Variants in EXOC6 observed in about 807,000 individuals in gnomAD.
The protein encoded by EXOC6 is exocyst complex component 6.
In EXOC6, 60 loss-of-function variants were observed where a neutral mutation model predicts 112.5. That is an observed-to-expected ratio of 0.53 (90% CI 0.43 to 0.66). EXOC6 has a LOEUF of 0.66. EXOC6 is among the 30% of genes least tolerant of loss of function. EXOC6 has a pLI of 0.00. For missense variants in EXOC6, 855 were observed against 957.1 expected, an observed-to-expected ratio of 0.89 and a Z score of 1.41; for synonymous variants, 295 against 308.0, an observed-to-expected ratio of 0.96 and a Z score of 0.44.
At position 93,005,364 on chromosome 10, in the gene EXOC6, G is replaced by A. The variant is rs142890773; in HGVS notation, c.2095+7749G>A. Reference sequence around the variant, plus strand: ...TGATCTTAGTATAAATTTTATACAAGTTCAAGATAAATGTCTTCTTATTTG... The same window carrying A: ...TGATCTTAGTATAAATTTTATACAAATTCAAGATAAATGTCTTCTTATTTG... On this transcript the variant is annotated intron_variant, in intron 19 of 21. Coordinates refer to ENST00000260762, the MANE Select transcript of EXOC6 (RefSeq NM_019053.6). Among the ~76,000 whole-genome samples, 454 of 152,246 alleles carry A rather than the reference G, an allele frequency of 3.0e-3. 2 individuals are homozygous for A. Among genetic ancestry groups the A allele is most frequent in the African/African-American group, 0.01 (419 of 41,548 alleles).
At chr10:93,017,578 G>A (rs1844589975) in intron 20 of EXOC6, among the ~76,000 whole-genome samples, 1 of 152,074 alleles carries the variant, frequency 6.6e-6, no homozygotes, top group African/African-American at 2.4e-5. Context: ...GACAGAGCAA[G>A]ACTCTGTCTC....
chr10:92,942,239 A>T (rs1421555987), intron 13 of EXOC6, among the ~76,000 whole-genome samples: 2 of 152,118 alleles, frequency 1.3e-5, no homozygotes, highest in Admixed American at 6.5e-5. Context: ...AATAAAAAAT[A>T]AAAAAATTAG....
chr10:92,953,016 A>G (rs556827149), intron 15 of EXOC6, among the ~76,000 whole-genome samples: 26 of 152,100 alleles, frequency 1.7e-4, no homozygotes, highest in Non-Finnish European at 3.5e-4. Context: ...CTTTGAGTAT[A>G]TCCCCAATAA....
chr10:93,013,450 CA>C (rs561235113), intron 19 of EXOC6, among the ~76,000 whole-genome samples: 1 of 151,082 alleles, frequency 6.6e-6, no homozygotes. Context: ...TACTAAAATA[CA>C]AAAAAAATTA....
chr10:92,845,540 G>A (rs1475272069), upstream of EXOC6, among the ~76,000 whole-genome samples: 4 of 131,222 alleles, frequency 3.0e-5, no homozygotes, highest in African/African-American at 1.2e-4. Context: ...GCAACAGAGA[G>A]AGACTCCATC....
At chr10:92,947,641 G>A (rs1252289255) in intron 13 of EXOC6, among the ~76,000 whole-genome samples, 1 of 152,176 alleles carries the variant, frequency 6.6e-6, no homozygotes, top group African/African-American at 2.4e-5. Context: ...TGGGCACAGT[G>A]GCTCACGCCT....
chr10:92,836,044 A>G (rs1301416956), intron 1 of EXOC6, among the ~76,000 whole-genome samples: 1 of 152,204 alleles, frequency 6.6e-6, no homozygotes, highest in Non-Finnish European at 1.5e-5. Context: ...TAGGTGGTCA[A>G]GTGCCAGGTG....
chr10:92,855,295 C>G (rs1847546825), intron 1 of EXOC6, among the ~76,000 whole-genome samples: 1 of 152,082 alleles, frequency 6.6e-6, no homozygotes, highest in Non-Finnish European at 1.5e-5. Flanking sequence ...CTCTGGAGCT[C>G]ATGCAGTTCT....
intron 1 of EXOC6, among the ~76,000 whole-genome samples, chr10:92,867,708 T>C (rs1210887914): frequency 9.2e-5 from 14 of 152,190 alleles, no homozygotes; most frequent in Non-Finnish European, 1.3e-4. Flanking sequence ...AGTATGATGT[T>C]ACAACTGTTT....
intron 12 of EXOC6, among the ~76,000 whole-genome samples, chr10:92,937,259 C>T (rs61862317): frequency 0.022 from 3,354 of 152,148 alleles, 57 homozygotes; most frequent in African/African-American, 0.041. Context: ...AAAAGTGTCC[C>T]GTGGTCCAAA....
chr10:92,951,947 A>G (rs77448163), intron 14 of EXOC6, among the ~76,000 whole-genome samples: 2,889 of 152,346 alleles, frequency 0.019, 92 homozygotes, highest in African/African-American at 0.065. Context: ...TGATAAATAC[A>G]CAAAGAAGCA....
intron 8 of EXOC6, among the ~76,000 whole-genome samples, chr10:92,921,439 G>T (rs1235577471): frequency 6.6e-6 from 1 of 151,144 alleles, no homozygotes; most frequent in Non-Finnish European, 1.5e-5. Context: ...GTAGAAATGG[G>T]GTTTCACCTT....
rs918933615 is a variant in EXOC6 at position 92,934,430 on chromosome 10, A to G, written c.1140A>G (p.Ser380=). ...TAATTGCTGTCCTTAGAGCTCATTCAGTAAGTCAGACAATTTACATTACTA... is the reference window on the plus strand; with the variant it reads ...TAATTGCTGTCCTTAGAGCTCATTCGGTAAGTCAGACAATTTACATTACTA... ...SKIIAVLRAH[S]SYCTDPDLVL... Residue 380 remains serine, a splice_region_variant and synonymous_variant, in exon 11 of 22, where the codon TCA becomes TCG. Coordinates refer to ENST00000260762, the MANE Select transcript of EXOC6 (RefSeq NM_019053.6). 1.3e-6 allele frequency: 2 copies of G among 1,551,412 alleles called. No individual in the cohort carries two copies. Among genetic ancestry groups the G allele is most frequent in the East Asian group, 2.4e-5 (1 of 42,398 alleles).
chr10:92,953,293 G>A (rs952206809), intron 15 of EXOC6, among the ~76,000 whole-genome samples: 2 of 151,984 alleles, frequency 1.3e-5, no homozygotes, highest in East Asian at 3.9e-4. Flanking sequence ...TGGTCAGGCT[G>A]GTTTTGAACT....
intron 1 of EXOC6, among the ~76,000 whole-genome samples, chr10:92,874,350 G>A (rs1169619712): frequency 6.6e-6 from 1 of 152,110 alleles, no homozygotes; most frequent in Non-Finnish European, 1.5e-5. Flanking sequence ...CAGGAGTCTA[G>A]TAACGTAAAC....
intron 18 of EXOC6, among the ~76,000 whole-genome samples, chr10:92,979,366 A>G (rs1336172006): frequency 2.0e-5 from 3 of 152,312 alleles, no homozygotes; most frequent in South Asian, 2.1e-4. Context: ...ATGATGTGCA[A>G]TTGCTGATGA....
At chr10:92,853,881 T>C (rs10882118) in intron 1 of EXOC6, among the ~76,000 whole-genome samples, 62,111 of 151,658 alleles carry the variant, frequency 0.41, 13,248 homozygotes, top group African/African-American at 0.51. Context: ...AAAAAATTGA[T>C]AAATTGGACT....
Position 92,848,545 on chromosome 10 carries a change from C to G in EXOC6, c.12C>G (p.Asn4Lys). The G allele has an allele frequency of 1.4e-6, 2 of 1,408,372 alleles. No individual in the cohort carries two copies. The highest frequency in any genetic ancestry group is 9.4e-7 in the Non-Finnish European group (1 of 1,059,766). 87.2% of individuals were successfully genotyped at this position (1,408,372 alleles called of 1,614,324 possible). ...AGCTTCCAGCCAAAATGGCGGAGAACAGCGAGAGTCTGGGCACCGTCCCCG... is the reference window on the plus strand; with the variant it reads ...AGCTTCCAGCCAAAATGGCGGAGAAGAGCGAGAGTCTGGGCACCGTCCCCG... MAE[N>K]SESLGTVPEH... The change falls in exon 1 of 22, where the codon AAC becomes AAG. Residue 4 changes from asparagine (N) to lysine (K), a missense_variant. Around this residue, in one of 2 missense-constraint regions of EXOC6, gnomAD observed 405 missense variants for 393.6 expected, o/e 1.03. Coordinates refer to ENST00000260762, the MANE Select transcript of EXOC6 (RefSeq NM_019053.6).
At chr10:92,994,709 T>C (rs1477599632) in intron 18 of EXOC6, among the ~76,000 whole-genome samples, 1 of 152,008 alleles carries the variant, frequency 6.6e-6, no homozygotes, top group African/African-American at 2.4e-5. Context: ...AAAAGATCGT[T>C]GTAAAAGTAC....
Sources: gnomAD v4.1 joint callset for allele counts (sites outside exome capture counted in the v4.1 genomes callset) on GRCh38, gnomAD v4.1.1 for gene constraint, gnomAD v4.1.1 regional missense constraint, MANE v1.5 for transcripts, NCBI Gene and HGNC (gene_info 2026-07-23, HGNC 2026-07-21) for gene names.